Variants in CCDC171 observed in about 807,000 individuals in gnomAD.
CCDC171 encodes the protein coiled-coil domain-containing protein 171.
A neutral mutation model predicts 168.2 loss-of-function variants in CCDC171; 177 were observed. That is an observed-to-expected ratio of 1.05 (90% CI 0.93 to 1.19). The LOEUF (loss-of-function observed/expected upper bound fraction) is 1.19, where lower values mean the gene tolerates loss of function less well. Ranked by LOEUF, CCDC171 falls within the 50% of genes most tolerant of loss-of-function variation. CCDC171 has a pLI of 0.00. For synonymous variants in CCDC171, 687 were observed against 540.8 expected (o/e 1.27, Z -3.75); for missense variants, 1,991 against 1,539.0 (o/e 1.29, Z -4.91).
At chr9:15,844,417 T>G (rs1164629659) in intron 21 of CCDC171, among the ~76,000 whole-genome samples, 1 of 152,072 alleles carries the variant, frequency 6.6e-6, no homozygotes, top group East Asian at 1.9e-4. Flanking sequence ...AGGTTAAGTA[T>G]TAGGGAAAAG....
At chr9:16,057,763 G>C (rs1202150591) in intron 1 of CCDC171, among the ~76,000 whole-genome samples, 1 of 152,168 alleles carries the variant, frequency 6.6e-6, no homozygotes, top group African/African-American at 2.4e-5. Context: ...TAGGTTTAGA[G>C]AGATTTATAA....
chr9:15,928,214 G>T (rs1826100205), intron 25 of CCDC171, among the ~76,000 whole-genome samples: 1 of 151,758 alleles, frequency 6.6e-6, no homozygotes, highest in African/African-American at 2.4e-5. Context: ...GTAATTAAAA[G>T]AGGGCTGTTA....
chr9:15,617,627 C>T (rs1337561836), intron 6 of CCDC171, among the ~76,000 whole-genome samples: 2 of 152,104 alleles, frequency 1.3e-5, no homozygotes, highest in Non-Finnish European at 2.9e-5. Context: ...CCACCCGCCT[C>T]GGCCTCCAAA....
At chr9:15,669,882 T>C (rs193156754) in intron 9 of CCDC171, among the ~76,000 whole-genome samples, 16 of 150,240 alleles carry the variant, frequency 1.1e-4, no homozygotes, top group Admixed American at 9.4e-4. Flanking sequence ...TTACATTATA[T>C]GTAAAACATA....
chr9:15,864,791 C>T (rs140085248), intron 23 of CCDC171, among the ~76,000 whole-genome samples: 173 of 152,096 alleles, frequency 1.1e-3, no homozygotes, highest in Non-Finnish European at 1.7e-3. Context: ...TCTCAGTTTA[C>T]TGCAGCTAAG....
intron 1 of CCDC171, among the ~76,000 whole-genome samples, chr9:15,563,684 C>T (rs1297635638): frequency 6.6e-6 from 1 of 152,144 alleles, no homozygotes; most frequent in Non-Finnish European, 1.5e-5. Context: ...AAAATTTCAA[C>T]CTCTGTCCTA....
Position 15,583,591 on chromosome 9 carries a change from G to T in CCDC171, c.352+4568G>T, listed in dbSNP as rs913780258. On this transcript the variant is annotated intron_variant, in intron 4 of 25. Transcript: ENST00000380701. ...GGAGCTAAGCTATGAGTATGCAAAG[G>T]CATAAGAATGATATAATGGACTTTG... 2.6e-5 allele frequency among the ~76,000 whole-genome samples: 4 copies of T among 152,130 alleles called. No individual in the cohort carries two copies. The South Asian group carries it at 8.3e-4, about 32-fold the overall frequency.
intron 1 of CCDC171, among the ~76,000 whole-genome samples, chr9:15,555,817 A>C (rs1157513594): frequency 6.6e-6 from 1 of 151,992 alleles, no homozygotes; most frequent in Non-Finnish European, 1.5e-5. Flanking sequence ...ATATCTCCTA[A>C]TGCTATACCT....
intron 18 of CCDC171, among the ~76,000 whole-genome samples, chr9:15,767,192 C>T (rs1283130969): frequency 6.6e-6 from 1 of 152,180 alleles, no homozygotes; most frequent in Non-Finnish European, 1.5e-5. Context: ...TCGGATATTT[C>T]TGGAGATCAG....
At chr9:15,596,214 T>A (rs1386190213) in intron 6 of CCDC171, among the ~76,000 whole-genome samples, 1 of 152,174 alleles carries the variant, frequency 6.6e-6, no homozygotes, top group Non-Finnish European at 1.5e-5. Flanking sequence ...CATGAAGTCC[T>A]TGCCCATGCC....
At chr9:15,734,445 G>T (rs2054352398) in intron 16 of CCDC171, among the ~76,000 whole-genome samples, 1 of 152,170 alleles carries the variant, frequency 6.6e-6, no homozygotes, top group African/African-American at 2.4e-5. Context: ...GGCTGAGGCA[G>T]GAGAATCACT....
At chr9:15,640,008 A>C (rs533008954) in intron 7 of CCDC171, among the ~76,000 whole-genome samples, 2 of 152,192 alleles carry the variant, frequency 1.3e-5, no homozygotes, top group Non-Finnish European at 2.9e-5. Context: ...CCAAGGACCT[A>C]GTATGGCATC....
intron 11 of CCDC171, among the ~76,000 whole-genome samples, chr9:15,697,534 A>C (rs1280735245): frequency 6.6e-6 from 1 of 151,910 alleles, no homozygotes; most frequent in African/African-American, 2.4e-5. Context: ...TTTATAATGG[A>C]CTCTGTTTCT....
chr9:15,706,806 A>G (rs1446385887), intron 11 of CCDC171, among the ~76,000 whole-genome samples: 2 of 152,158 alleles, frequency 1.3e-5, no homozygotes, highest in Non-Finnish European at 2.9e-5. Flanking sequence ...GTAATACTCT[A>G]GAGGTGTTCT....
chr9:15,990,627 T>A (rs1483000291), intron 3 of CCDC171, among the ~76,000 whole-genome samples: 2 of 152,144 alleles, frequency 1.3e-5, no homozygotes, highest in African/African-American at 2.4e-5. Context: ...AGACACAGAC[T>A]GGCAAACTGG....
At chr9:15,983,120 G>T (rs7031604) in intron 3 of CCDC171, among the ~76,000 whole-genome samples, 11,558 of 151,938 alleles carry the variant, frequency 0.076, 1,427 homozygotes, top group African/African-American at 0.26. Context: ...CATGATCCTG[G>T]TTATCCTCCT....
chr9:15,807,458 T>C (rs1007668888), intron 21 of CCDC171, among the ~76,000 whole-genome samples: 1 of 152,198 alleles, frequency 6.6e-6, no homozygotes, highest in African/African-American at 2.4e-5. Flanking sequence ...AGGACGGGGA[T>C]AGAATAACCT....
At chr9:16,016,935 A>C (rs1438248833) in intron 3 of CCDC171, among the ~76,000 whole-genome samples, 2 of 152,180 alleles carry the variant, frequency 1.3e-5, no homozygotes, top group Admixed American at 1.3e-4. Flanking sequence ...ATGCACAAAT[A>C]CTTTTCTATG....
chr9:15,996,286 G>A (rs1350314994), intron 3 of CCDC171, among the ~76,000 whole-genome samples: 3 of 152,096 alleles, frequency 2.0e-5, no homozygotes, highest in Non-Finnish European at 2.9e-5. Flanking sequence ...GTGGGACATC[G>A]TGGGGAACCT....
Sources: allele counts gnomAD v4.1 joint callset (sites outside exome capture counted in the v4.1 genomes callset), GRCh38; gene constraint gnomAD v4.1.1; transcripts MANE v1.5; gene names NCBI Gene and HGNC (gene_info 2026-07-23, HGNC 2026-07-21).